MIS18BP1: variants seen among roughly 807,000 people sequenced by gnomAD.
MIS18BP1 encodes the protein MIS18 binding protein 1.
A neutral mutation model predicts 116.1 loss-of-function variants in MIS18BP1; 72 were observed. The ratio of observed to expected loss-of-function variants is 0.62; its 90% CI spans 0.51 to 0.75. MIS18BP1 has a LOEUF of 0.75. Ranked by LOEUF, MIS18BP1 falls within the 30% of genes least tolerant of loss-of-function variation. The pLI is 0.00. For synonymous variants in MIS18BP1, 386 were observed against 427.0 expected (o/e 0.90, Z 1.18); for missense variants, 1,363 against 1,303.2 (o/e 1.05, Z -0.71).
At chr14:45,252,843 G>T (rs375549459) in intron 1 of MIS18BP1, among the ~76,000 whole-genome samples, 192 bp downstream of exon 1, 2 of 152,078 alleles carry the variant, frequency 1.3e-5, no homozygotes, top group African/African-American at 2.4e-5. Flanking sequence ...GAGCAATCGT[G>T]TTCTACTCTC....
intron 11 of MIS18BP1, among the ~76,000 whole-genome samples, chr14:45,220,200 C>T (rs972382993): frequency 2.0e-5 from 3 of 152,038 alleles, no homozygotes; most frequent in Admixed American, 6.6e-5. Flanking sequence ...TGGGCTCAGG[C>T]GATCCCCCTG....
intron 14 of MIS18BP1, among the ~76,000 whole-genome samples, chr14:45,209,677 A>G (rs752569121): frequency 1.3e-5 from 2 of 152,098 alleles, no homozygotes; most frequent in Non-Finnish European, 1.5e-5. Context: ...GTCCCTACTG[A>G]TAGATTTTTG....
At chr14:45,212,014 T>C (rs1890686642) in intron 13 of MIS18BP1, among the ~76,000 whole-genome samples, 1 of 152,176 alleles carries the variant, frequency 6.6e-6, no homozygotes, top group African/African-American at 2.4e-5. Flanking sequence ...CTGCTCTGTT[T>C]AGACTTAGCT....
intron 1 of MIS18BP1, among the ~76,000 whole-genome samples, chr14:45,248,998 T>C (rs939105684): frequency 1.3e-5 from 2 of 152,002 alleles, no homozygotes; most frequent in South Asian, 4.1e-4. Flanking sequence ...CTCGAAATCC[T>C]GGGCTCAAGC....
At chr14:45,243,339 A>C (rs535141560) in intron 2 of MIS18BP1, among the ~76,000 whole-genome samples, 34 of 152,300 alleles carry the variant, frequency 2.2e-4, no homozygotes, top group Middle Eastern at 6.8e-3. Flanking sequence ...AAATGTTGAG[A>C]TGCAACAGCA....
chr14:45,219,863 T>G (rs1466221869), intron 11 of MIS18BP1, among the ~76,000 whole-genome samples: 14 of 152,220 alleles, frequency 9.2e-5, no homozygotes. Flanking sequence ...ACACAAATAA[T>G]AATGTATTTA....
In MIS18BP1 at chr14:45,218,423, C is replaced by G; in HGVS notation, c.2701G>C (p.Gly901Arg). ...AFASLPKHKPGFWSEVAAAVG... is the reference protein window; with the variant it reads ...AFASLPKHKPRFWSEVAAAVG... ...GCCGCAGCTACCTCTGACCAGAAAC[C>G]AGGTTTGTGCTTTGGAAGAGATGCA... Residue 901 changes from glycine (G) to arginine (R), a missense_variant, in exon 12 of 17, where the codon GGT becomes CGT. Gly to Arg is a moderately radical substitution (Grantham distance 125). Coordinates refer to ENST00000310806, the MANE Select transcript of MIS18BP1 (RefSeq NM_018353.5). The G allele has an allele frequency of 1.9e-6, 3 of 1,609,400 alleles. No individual in the cohort carries two copies. Among genetic ancestry groups the G allele is most frequent in the Admixed American group, 1.7e-5 (1 of 58,326 alleles).
chr14:45,230,189 A>G (rs1891236891), intron 8 of MIS18BP1, among the ~76,000 whole-genome samples: 1 of 152,220 alleles, frequency 6.6e-6, no homozygotes, highest in Admixed American at 6.5e-5. Context: ...AATGTTTACA[A>G]CATATTTTAG....
intron 13 of MIS18BP1, 73 bp downstream of exon 13, chr14:45,216,946 C>A (rs1890834343): frequency 2.0e-6 from 3 of 1,484,710 alleles, no homozygotes; most frequent in Admixed American, 1.9e-5. Flanking sequence ...TAGTGATGAA[C>A]ACTACCATAC....
chr14:45,234,738 A>G (rs1034113781), intron 6 of MIS18BP1, among the ~76,000 whole-genome samples: 8 of 152,156 alleles, frequency 5.3e-5, no homozygotes, highest in African/African-American at 1.7e-4. Flanking sequence ...ATAAATTTAG[A>G]CTACTTGGAT....
intron 5 of MIS18BP1, among the ~76,000 whole-genome samples, chr14:45,237,015 T>G (rs1891448168): frequency 7.2e-6 from 1 of 138,888 alleles, no homozygotes; most frequent in Non-Finnish European, 1.5e-5. Context: ...GTTATAACTT[T>G]TTTTTTTTTT....
chr14:45,245,342 T>C (rs1470753894), intron 2 of MIS18BP1, among the ~76,000 whole-genome samples: 1 of 152,108 alleles, frequency 6.6e-6, no homozygotes, highest in Non-Finnish European at 1.5e-5. Flanking sequence ...ATCTTCTCAG[T>C]GGCCTTTCTA....
In MIS18BP1 at chr14:45,224,054, T is replaced by C; in HGVS notation, c.2533A>G (p.Lys845Glu). 6.2e-7 allele frequency: 1 copy of C among 1,613,860 alleles called. No homozygotes were observed. Among genetic ancestry groups the C allele is most frequent in the Non-Finnish European group, 8.5e-7 (1 of 1,179,960 alleles). Residue 845 changes from lysine (K) to glutamate (E), a missense_variant, in exon 11 of 17, where the codon AAG (lysine) becomes GAG (glutamate). Transcript: ENST00000310806. ...ARPSVKETLQ[K>E]SGVRKEFPIT... Reference sequence around the variant, plus strand: ...GGAAACTCTTTCCTAACACCAGACTTCTGAAGAGTTTCTTTGACGGAAGGT... The same window carrying C: ...GGAAACTCTTTCCTAACACCAGACTCCTGAAGAGTTTCTTTGACGGAAGGT...
chr14:45,252,662 G>A (rs1891910004), intron 1 of MIS18BP1, among the ~76,000 whole-genome samples: 1 of 151,516 alleles, frequency 6.6e-6, no homozygotes, highest in Admixed American at 6.6e-5. Flanking sequence ...TTAACCAGAA[G>A]AAAACATAAG....
At chr14:45,242,906 T>G in intron 2 of MIS18BP1, 32 bp from the exon 3 acceptor site, 1 of 1,392,610 alleles carries the variant, frequency 7.2e-7, no homozygotes, top group Non-Finnish European at 9.9e-7. Context: ...AAAGAAGAAG[T>G]TGAATTGTAT....
At chr14:45,230,971 A>C (rs1400322913) in intron 8 of MIS18BP1, among the ~76,000 whole-genome samples, 170 bp downstream of exon 8, 1 of 152,200 alleles carries the variant, frequency 6.6e-6, no homozygotes, top group Non-Finnish European at 1.5e-5. Context: ...ATTAATCTGT[A>C]TTATAGTTAC....
At chr14:45,242,942 T>C in intron 2 of MIS18BP1, 68 bp from the exon 3 acceptor site, 2 of 1,060,550 alleles carry the variant, frequency 1.9e-6, no homozygotes, top group South Asian at 3.0e-5. Context: ...AAACAGCTTT[T>C]AAAATTCTTG....
intron 12 of MIS18BP1, among the ~76,000 whole-genome samples, chr14:45,217,601 TTC>T (rs1254194137): frequency 1.3e-5 from 2 of 152,066 alleles, no homozygotes; most frequent in South Asian, 2.1e-4. Flanking sequence ...TAAAAAGATC[TTC>T]TCTTTTTTTT....
chr14:45,237,862 AT>A, intron 4 of MIS18BP1, 141 bp from the exon 5 acceptor site: 1 of 1,220,228 alleles, frequency 8.2e-7, no homozygotes, highest in Non-Finnish European at 1.1e-6. Context: ...TTCACATTCT[AT>A]TCTAAATAGC....
Sources: gnomAD v4.1 joint callset for allele counts (sites outside exome capture counted in the v4.1 genomes callset) on GRCh38, gnomAD v4.1.1 for gene constraint, MANE v1.5 for transcripts, NCBI Gene and HGNC (gene_info 2026-07-23, HGNC 2026-07-21) for gene names.